Variants in MAST4 observed in about 807,000 individuals in gnomAD.
The protein encoded by MAST4 is microtubule associated serine/threonine kinase family member 4.
MAST4 carries 89 observed loss-of-function variants against 162.7 expected under a neutral mutation model. The observed-to-expected ratio is 0.55, with a 90% CI of 0.46 to 0.65. The LOEUF (loss-of-function observed/expected upper bound fraction) is 0.65, where lower values mean the gene tolerates loss of function less well. MAST4 is among the 30% of genes least tolerant of loss of function. MAST4 has a pLI of 0.00. For missense variants in MAST4, 3,153 were observed against 3,374.0 expected, an observed-to-expected ratio of 0.93 and a Z score of 1.62; for synonymous variants, 1,479 against 1,361.1, an observed-to-expected ratio of 1.09 and a Z score of -1.91.
At chr5:66,735,488 G>C (rs1191568403) in intron 1 of MAST4, among the ~76,000 whole-genome samples, 2 of 152,148 alleles carry the variant, frequency 1.3e-5, no homozygotes, top group African/African-American at 4.8e-5. Context: ...TCAACTACTT[G>C]GAAGAGAGGC....
intron 1 of MAST4, among the ~76,000 whole-genome samples, chr5:66,613,427 G>C (rs1163272150): frequency 6.6e-6 from 1 of 151,612 alleles, no homozygotes; most frequent in Non-Finnish European, 1.5e-5. Flanking sequence ...TTAGGGTGGT[G>C]GTGATTTTGG....
At chr5:66,870,996 T>C (rs933629896) in intron 3 of MAST4, 10 of 370,610 alleles carry the variant, frequency 2.7e-5, no homozygotes, top group Middle Eastern at 9.0e-4. Flanking sequence ...GTCTTCTCTA[T>C]TAAATCAAGA....
chr5:66,949,578 A>AC, intron 4 of MAST4, among the ~76,000 whole-genome samples: 1 of 152,280 alleles, frequency 6.6e-6, no homozygotes, highest in African/African-American at 2.4e-5. Context: ...TTTATAAATT[A>AC]CCCAGTCTCA....
In MAST4 at chr5:66,640,309, C is replaced by CTT. The variant is rs770087325; in HGVS notation, c.363+43306_363+43307dup. On this transcript the variant is annotated intron_variant, in intron 1 of 28. Coordinates refer to ENST00000403625, the MANE Select transcript of MAST4 (RefSeq NM_001164664.2). Reference sequence around the variant, plus strand: ...TAGATGGATATCTCACAATTTGTTTCTTTTTTTTTTTTTTTTGAGACGGAG... The same window carrying CTT: ...TAGATGGATATCTCACAATTTGTTTCTTTTTTTTTTTTTTTTTTGAGACGGAG... 3.4e-3 allele frequency among the ~76,000 whole-genome samples: 475 copies of CTT among 139,920 alleles called. 3 individuals are homozygous for CTT. The highest frequency in any genetic ancestry group is 0.012 in the African/African-American group (446 of 38,148). The allele number at this position is 139,920 out of a possible 152,430, so 91.8% of individuals were successfully genotyped here.
intron 4 of MAST4, among the ~76,000 whole-genome samples, chr5:66,905,407 A>G (rs1394699814): frequency 6.6e-6 from 1 of 152,034 alleles, no homozygotes; most frequent in African/African-American, 2.4e-5. Flanking sequence ...ATGTCTCTGC[A>G]TGCTGAGGGA....
Position 67,167,793 on chromosome 5 carries a change from G to C in MAST4, c.*742G>C. On this transcript the variant is annotated 3_prime_UTR_variant, in exon 29 of 29. Transcript: ENST00000403625. ...GTGGAGCTAGCCATTTTCATTACAC[G>C]GCCATCCCAATGGACACTGGATCCC... 1 of 152,242 alleles carries C rather than the reference G, an allele frequency of 6.6e-6. No individual in the cohort carries two copies. The highest frequency in any genetic ancestry group is 2.1e-4 in the South Asian group (1 of 4,822). 9.4% of individuals were successfully genotyped at this position (152,242 alleles called of 1,614,324 possible).
At chr5:67,082,145 ATCT>A (rs1245398837) in intron 5 of MAST4, among the ~76,000 whole-genome samples, 2 of 141,896 alleles carry the variant, frequency 1.4e-5, no homozygotes, top group Non-Finnish European at 3.0e-5. Flanking sequence ...ACTACCTGTA[ATCT>A]TTTTTTTTTT....
At chr5:66,747,966 G>A (rs1752870143) in intron 1 of MAST4, among the ~76,000 whole-genome samples, 2 of 152,180 alleles carry the variant, frequency 1.3e-5, no homozygotes, top group Admixed American at 6.5e-5. Context: ...TCTGGACCAA[G>A]GTTAGCACAG....
At chr5:66,642,842 T>A (rs1348596899) in intron 1 of MAST4, among the ~76,000 whole-genome samples, 1 of 152,230 alleles carries the variant, frequency 6.6e-6, no homozygotes, top group Non-Finnish European at 1.5e-5. Flanking sequence ...GTGTTTTTCC[T>A]CTGGGAGTTT....
At chr5:66,947,066 T>C (rs1332037950) in intron 4 of MAST4, among the ~76,000 whole-genome samples, 1 of 152,168 alleles carries the variant, frequency 6.6e-6, no homozygotes, top group Non-Finnish European at 1.5e-5. Context: ...TCCTGGTAAC[T>C]TGCTGCATAA....
chr5:66,925,425 C>T (rs1248746300), intron 4 of MAST4, among the ~76,000 whole-genome samples: 1 of 152,200 alleles, frequency 6.6e-6, no homozygotes, highest in East Asian at 1.9e-4. Flanking sequence ...GGAAATCACT[C>T]TAAACAACAC....
In MAST4 at chr5:67,131,809, A is replaced by G. The variant is rs1305094220; in HGVS notation, c.1955-4A>G. On this transcript the variant is annotated splice_region_variant and splice_polypyrimidine_tract_variant and intron_variant, in intron 15 of 28. Coordinates refer to ENST00000403625, the MANE Select transcript of MAST4 (RefSeq NM_001164664.2). ...AGCTACTAACTCTTTTTCCTGTGTT[A>G]CAGGGGGAGACTGTGCTACTTTAAT... 2 of 1,611,546 alleles carry G rather than the reference A, an allele frequency of 1.2e-6. No homozygotes were observed. The highest frequency in any genetic ancestry group is 1.7e-6 in the Non-Finnish European group (2 of 1,178,746).
chr5:66,647,335 C>T (rs564389352), intron 1 of MAST4, among the ~76,000 whole-genome samples: 2 of 152,126 alleles, frequency 1.3e-5, no homozygotes, highest in Non-Finnish European at 2.9e-5. Flanking sequence ...TTCACCTCTC[C>T]TCCCATTCCC....
In MAST4 at chr5:67,168,453, C is replaced by T. The variant is rs997349866; in HGVS notation, c.*1402C>T. The T allele has an allele frequency of 2.0e-5, 3 of 151,942 alleles. No individual in the cohort carries two copies. The highest frequency in any genetic ancestry group is 7.3e-5 in the African/African-American group (3 of 41,352). 9.4% of individuals were successfully genotyped at this position (151,942 alleles called of 1,614,324 possible). A position where few individuals can be genotyped will look rare whatever the true frequency, so the allele number is the denominator to read the frequency against. ...TAAGCCTTATTTAAATTTTGTATAC[C>T]GTGGAATATGTAGAATTTGTCAAAT... On this transcript the variant is annotated 3_prime_UTR_variant, in exon 29 of 29. Transcript: ENST00000403625.
chr5:67,003,622 C>T (rs1470931169), intron 4 of MAST4, among the ~76,000 whole-genome samples: 2 of 152,128 alleles, frequency 1.3e-5, no homozygotes, highest in East Asian at 1.9e-4. Context: ...AGACTTAAGG[C>T]AGCTAATTTA....
intron 16 of MAST4, 139 bp from the exon 17 acceptor site, chr5:67,133,375 C>G: frequency 1.1e-6 from 1 of 891,504 alleles, no homozygotes; most frequent in Middle Eastern, 2.5e-4. Context: ...GACTCCATCT[C>G]TTTCCAGGCT....
At chr5:67,145,677 G>A (rs867493765) in intron 23 of MAST4, among the ~76,000 whole-genome samples, 4 of 152,174 alleles carry the variant, frequency 2.6e-5, no homozygotes, top group African/African-American at 7.2e-5. Context: ...AAGTCAGAAC[G>A]TGCTAAGGGA....
At chr5:67,082,623 A>G (rs944991805) in intron 5 of MAST4, among the ~76,000 whole-genome samples, 21 of 152,314 alleles carry the variant, frequency 1.4e-4, no homozygotes, top group African/African-American at 4.6e-4. Flanking sequence ...AAATGTAAAT[A>G]TGGAGTGCAG....
At chr5:66,839,550 G>A (rs1758270249) in intron 3 of MAST4, among the ~76,000 whole-genome samples, 1 of 151,954 alleles carries the variant, frequency 6.6e-6, no homozygotes. Context: ...TTAGTATCAG[G>A]CCTTGAAAAT....
Sources: allele counts gnomAD v4.1 joint callset (sites outside exome capture counted in the v4.1 genomes callset), GRCh38; gene constraint gnomAD v4.1.1; transcripts MANE v1.5; gene names NCBI Gene and HGNC (gene_info 2026-07-23, HGNC 2026-07-21).